Variants in LDB3 observed in about 807,000 individuals in gnomAD.
The protein encoded by LDB3 is LIM domain-binding protein 3.
In LDB3, 49 loss-of-function variants were observed where a neutral mutation model predicts 69.0. The ratio of observed to expected loss-of-function variants is 0.71; its 90% CI spans 0.56 to 0.90. The LOEUF is 0.90. LDB3 is among the 40% of genes least tolerant of loss of function. LDB3 has a pLI of 0.00. For synonymous variants in LDB3, 387 were observed against 396.2 expected (o/e 0.98, Z 0.28); for missense variants, 928 against 974.1 (o/e 0.95, Z 0.63).
chr10:86,684,766 A>G (rs1265944930), intron 5 of LDB3, among the ~76,000 whole-genome samples: 2 of 152,210 alleles, frequency 1.3e-5, no homozygotes, highest in East Asian at 3.9e-4. Context: ...AAGGTGGCAG[A>G]GTTTGGGGAC....
At chr10:86,685,959 GC>G (rs1294330459) in intron 5 of LDB3, among the ~76,000 whole-genome samples, 1 of 152,222 alleles carries the variant, frequency 6.6e-6, no homozygotes, top group East Asian at 1.9e-4. Flanking sequence ...CTTAAGATGT[GC>G]CTGGGGTTGG....
intron 7 of LDB3, among the ~76,000 whole-genome samples, chr10:86,694,473 C>A (rs1845915297): frequency 6.6e-6 from 1 of 152,150 alleles, no homozygotes; most frequent in African/African-American, 2.4e-5. Context: ...TTAGCTTCCT[C>A]CCTCAGTCCC....
At chr10:86,730,261 G>C (rs1847410033) in intron 13 of LDB3, among the ~76,000 whole-genome samples, 1 of 152,122 alleles carries the variant, frequency 6.6e-6, no homozygotes, top group Non-Finnish European at 1.5e-5. Flanking sequence ...TGATTTCTCT[G>C]TCTCCATGGG....
chr10:86,706,525 C>A lies in LDB3; in HGVS notation c.897-6C>A. 1 of 1,612,086 alleles carries A rather than the reference C, an allele frequency of 6.2e-7. No homozygotes were observed. Among genetic ancestry groups the A allele is most frequent in the Non-Finnish European group, 8.5e-7 (1 of 1,179,962 alleles). ...ACCTGTTGTCTTTTTGGTCCCGCCT[C>A]ATCAGCACCCCTATTGAGCATGCGC... On this transcript the variant is annotated splice_polypyrimidine_tract_variant and splice_region_variant and intron_variant, in intron 7 of 13. Coordinates refer to ENST00000361373, the MANE Select transcript of LDB3 (RefSeq NM_007078.3).
chr10:86,700,483 G>C (rs1319253527), intron 7 of LDB3, among the ~76,000 whole-genome samples: 1 of 152,198 alleles, frequency 6.6e-6, no homozygotes, highest in African/African-American at 2.4e-5. Context: ...GGCTCCAGTG[G>C]GCACACCTGG....
At chr10:86,685,788 G>T (rs1177003287) in intron 5 of LDB3, 8 of 1,450,412 alleles carry the variant, frequency 5.5e-6, no homozygotes, top group Non-Finnish European at 7.8e-6. Flanking sequence ...GAGTGTGCCT[G>T]CTGGCATGTG....
In LDB3 at chr10:86,699,237, GTT is replaced by G. The variant is rs754393211; in HGVS notation, c.896+6668_896+6669del. The G allele has an allele frequency of 2.1e-6, 3 of 1,461,854 alleles. No individual in the cohort carries two copies. The highest frequency in any genetic ancestry group is 9.2e-7 in the Non-Finnish European group (1 of 1,084,070). 90.6% of individuals were successfully genotyped at this position (1,461,854 alleles called of 1,614,324 possible). A position where few individuals can be genotyped will look rare whatever the true frequency, so the allele number is the denominator to read the frequency against. On this transcript the variant is annotated intron_variant, in intron 7 of 13. Transcript: ENST00000361373. The surrounding 1 kb of genome is among the most constrained non-coding windows in gnomAD (Gnocchi z 4.9). ...TCTCTCTCTTTCTGTCTCTGTCTCT[GTT>G]TCTCTCTCTCTCTCTCTCTCTCTCT... is the stretch of plus-strand genomic sequence containing the variant.
chr10:86,711,495 A>C (rs1846663567), intron 9 of LDB3, among the ~76,000 whole-genome samples: 1 of 151,528 alleles, frequency 6.6e-6, no homozygotes, highest in African/African-American at 2.4e-5. Flanking sequence ...CCCGGCTGCC[A>C]AGCGGAGTCC....
At chr10:86,718,332 T>C (rs969632650) in intron 11 of LDB3, among the ~76,000 whole-genome samples, 188 bp downstream of exon 11, 1 of 152,226 alleles carries the variant, frequency 6.6e-6, no homozygotes, top group African/African-American at 2.4e-5. Context: ...AAGAGATGAT[T>C]GTGTGCCTGT....
chr10:86,728,214 A>T (rs1847328394), intron 13 of LDB3, among the ~76,000 whole-genome samples: 1 of 152,144 alleles, frequency 6.6e-6, no homozygotes, highest in Non-Finnish European at 1.5e-5. Context: ...AGGATCCAAG[A>T]GACTTGGGGA....
chr10:86,732,809 G>A (rs994570306), intron 13 of LDB3, 78 bp from the exon 14 acceptor site: 13 of 1,191,024 alleles, frequency 1.1e-5, no homozygotes, highest in Non-Finnish European at 1.4e-5. Flanking sequence ...TGGCCAGGGC[G>A]TTTTCTTAAA....
At chr10:86,675,239 G>A (rs1037160455) in intron 2 of LDB3, among the ~76,000 whole-genome samples, 2 of 152,254 alleles carry the variant, frequency 1.3e-5, no homozygotes, top group African/African-American at 4.8e-5. Flanking sequence ...TAGGTGAGGG[G>A]AAGTGAGGAG....
rs1846173945 is a variant in LDB3, at chr10:86,699,695, A to T, written c.897-6836A>T. ...GAGGGCAGGAGGGGTTTGCTGGCAT[A>T]ACACCCCAGAACCAAGGGAAATGGA... On this transcript the variant is annotated intron_variant, in intron 7 of 13. Coordinates refer to ENST00000361373, the MANE Select transcript of LDB3 (RefSeq NM_007078.3). The surrounding 1 kb of genome is among the most constrained non-coding windows in gnomAD (Gnocchi z 4.9). The T allele has an allele frequency of 4.2e-6, 5 of 1,190,876 alleles. No homozygotes were observed. In the Admixed American group the frequency reaches 1.5e-4, roughly 35 times the overall value. The allele number at this position is 1,190,876 out of a possible 1,614,324, so 73.8% of individuals were successfully genotyped here. A position where few individuals can be genotyped will look rare whatever the true frequency, so the allele number is the denominator to read the frequency against.
Position 86,699,310 on chromosome 10 carries a change from G to A in LDB3, c.896+6739G>A, listed in dbSNP as rs780518038. ...TTTGAAACGGAACGTAACAGCCCAC[G>A]TTTTGCCAAATTGCGCAACTGGCAC... On this transcript the variant is annotated intron_variant, in intron 7 of 13. Transcript: ENST00000361373. The surrounding 1 kb of genome is among the most constrained non-coding windows in gnomAD (Gnocchi z 4.9). 1.1e-5 allele frequency: 18 copies of A among 1,613,060 alleles called. No homozygotes were observed. Among genetic ancestry groups the A allele is most frequent in the Admixed American group, 5.0e-5 (3 of 59,934 alleles).
chr10:86,718,975 C>A, intron 12 of LDB3, 128 bp downstream of exon 12: 1 of 1,250,818 alleles, frequency 8.0e-7, no homozygotes, highest in East Asian at 2.5e-5. Flanking sequence ...TGGAAGAAAC[C>A]TTTGTTTTTG....
At chr10:86,694,022 T>C in intron 7 of LDB3, among the ~76,000 whole-genome samples, 1 of 152,356 alleles carries the variant, frequency 6.6e-6, no homozygotes, top group East Asian at 1.9e-4. Context: ...GGCTCCCTTC[T>C]GGTTCCTTAA....
intron 13 of LDB3, among the ~76,000 whole-genome samples, chr10:86,730,756 A>T (rs1236920897): frequency 6.6e-6 from 1 of 152,150 alleles, no homozygotes; most frequent in Non-Finnish European, 1.5e-5. Context: ...AGTGTCTGGC[A>T]TCCTGCTTGG....
intron 13 of LDB3, among the ~76,000 whole-genome samples, chr10:86,727,564 G>C (rs1450662237): frequency 6.6e-6 from 1 of 152,202 alleles, no homozygotes; most frequent in Non-Finnish European, 1.5e-5. Flanking sequence ...TGCTAGGGCT[G>C]TCTTGACAAA....
At chr10:86,705,953 C>T (rs1323881491) in intron 7 of LDB3, among the ~76,000 whole-genome samples, 4 of 152,204 alleles carry the variant, frequency 2.6e-5, no homozygotes, top group African/African-American at 4.8e-5. Flanking sequence ...ACAGTGCCCA[C>T]TTTTGTCCAG....
Sources: allele counts gnomAD v4.1 joint callset (sites outside exome capture counted in the v4.1 genomes callset), GRCh38; gene constraint gnomAD v4.1.1; non-coding constraint Gnocchi (gnomAD v3.1); transcripts MANE v1.5; gene names NCBI Gene and HGNC (gene_info 2026-07-23, HGNC 2026-07-21).